The following ARHGAP15 variants were observed in gnomAD, a reference collection of about 807,000 sequenced individuals.
ARHGAP15 encodes Rho GTPase activating protein 15.
Under a neutral mutation model 63.7 loss-of-function variants are expected in ARHGAP15, and 51 were observed. That is an observed-to-expected ratio of 0.80 (90% CI 0.64 to 1.01). ARHGAP15 has a LOEUF of 1.01. ARHGAP15 is among the 50% of genes least tolerant of loss of function. The probability of loss-of-function intolerance (pLI) is 0.00; values close to 1 mark genes in which losing one functional copy is unlikely to be tolerated. For missense variants in ARHGAP15, 560 were observed against 564.6 expected (o/e 0.99, Z 0.08); for synonymous variants, 191 against 193.8 (o/e 0.99, Z 0.12).
At chr2:143,492,970 A>G (rs2105239472) in intron 9 of ARHGAP15, among the ~76,000 whole-genome samples, 1 of 151,846 alleles carries the variant, frequency 6.6e-6, no homozygotes, top group East Asian at 1.9e-4. Context: ...AAGCACGAGA[A>G]TGGCGTGAAC....
intron 12 of ARHGAP15, among the ~76,000 whole-genome samples, chr2:143,700,673 AAT>A (rs70982881): frequency 1.3e-5 from 2 of 151,542 alleles, no homozygotes; most frequent in Non-Finnish European, 2.9e-5. Flanking sequence ...CTCTTGAATG[AAT>A]ATATATATAT....
At chr2:143,420,925 C>G (rs530501341) in intron 6 of ARHGAP15, among the ~76,000 whole-genome samples, 1 of 152,316 alleles carries the variant, frequency 6.6e-6, no homozygotes, top group South Asian at 2.1e-4. Flanking sequence ...ATCACACAGA[C>G]ACATGCTAGT....
intron 10 of ARHGAP15, among the ~76,000 whole-genome samples, chr2:143,554,569 ATCTATCACGTTATTT>A (rs1695708186): frequency 6.6e-6 from 1 of 152,154 alleles, no homozygotes; most frequent in Admixed American, 6.6e-5. Flanking sequence ...ATATTTTTAA[ATCTATCACGTTATTT>A]AAAATTTCAT....
chr2:143,665,982 G>C (rs1174451584), intron 12 of ARHGAP15, among the ~76,000 whole-genome samples: 1 of 148,784 alleles, frequency 6.7e-6, no homozygotes, highest in Non-Finnish European at 1.5e-5. Context: ...TCGTGAAAAT[G>C]GCCATACTGC....
At chr2:143,532,204 G>A (rs1166532970) in intron 10 of ARHGAP15, among the ~76,000 whole-genome samples, 1 of 152,164 alleles carries the variant, frequency 6.6e-6, no homozygotes, top group East Asian at 1.9e-4. Context: ...CCTTATGAGA[G>A]AATTTTCTCA....
chr2:143,519,393 C>G (rs762255400), intron 10 of ARHGAP15, 29 bp downstream of exon 10: 1 of 1,541,534 alleles, frequency 6.5e-7, no homozygotes, highest in South Asian at 1.1e-5. Context: ...AGCAGTTCCC[C>G]CCATTACTGC....
At chr2:143,161,887 G>A (rs78089797) in intron 2 of ARHGAP15, among the ~76,000 whole-genome samples, 12,356 of 151,932 alleles carry the variant, frequency 0.081, 690 homozygotes, top group Non-Finnish European at 0.13. Context: ...AGATGCGGCC[G>A]TCTGTAGGAG....
chr2:143,508,130 C>T (rs1052376687), intron 9 of ARHGAP15, among the ~76,000 whole-genome samples: 1 of 152,122 alleles, frequency 6.6e-6, no homozygotes, highest in Non-Finnish European at 1.5e-5. Flanking sequence ...CCTGCTTTGA[C>T]CCTGAGGCTA....
intron 8 of ARHGAP15, 118 bp downstream of exon 8, chr2:143,437,160 C>A: frequency 8.3e-7 from 1 of 1,210,318 alleles, no homozygotes; most frequent in South Asian, 1.6e-5. Flanking sequence ...AGATTCGTAG[C>A]CATTTCCTGG....
At chr2:143,260,202 G>A (rs975532651) in intron 6 of ARHGAP15, among the ~76,000 whole-genome samples, 10 of 151,964 alleles carry the variant, frequency 6.6e-5, no homozygotes, top group African/African-American at 1.2e-4. Context: ...AGTTCACATC[G>A]CACTTTTTGT....
intron 1 of ARHGAP15, among the ~76,000 whole-genome samples, chr2:143,141,918 C>A (rs1306008438): frequency 1.3e-5 from 2 of 152,152 alleles, no homozygotes; most frequent in East Asian, 1.9e-4. Flanking sequence ...GATATCTATA[C>A]AAGATAAGTG....
chr2:143,182,576 G>C (rs765114475), intron 2 of ARHGAP15, among the ~76,000 whole-genome samples: 7 of 152,154 alleles, frequency 4.6e-5, no homozygotes, highest in Non-Finnish European at 1.0e-4. Context: ...CATGAACTTT[G>C]TAGGGGCTTT....
intron 6 of ARHGAP15, among the ~76,000 whole-genome samples, chr2:143,251,552 G>A (rs1204241486): frequency 1.3e-5 from 2 of 151,960 alleles, no homozygotes; most frequent in Non-Finnish European, 2.9e-5. Context: ...TTTTCCAGAT[G>A]CTATTCAGGT....
At chr2:143,319,242 T>A (rs907208557) in intron 6 of ARHGAP15, among the ~76,000 whole-genome samples, 1 of 151,374 alleles carries the variant, frequency 6.6e-6, no homozygotes, top group Non-Finnish European at 1.5e-5. Flanking sequence ...TTTTTTTTTT[T>A]AATATGGTGT....
chr2:143,343,192 A>T (rs984437133), intron 6 of ARHGAP15, among the ~76,000 whole-genome samples: 3 of 152,070 alleles, frequency 2.0e-5, no homozygotes, highest in Non-Finnish European at 4.4e-5. Context: ...CAGGAAAATC[A>T]TATTTAATCT....
intron 5 of ARHGAP15, among the ~76,000 whole-genome samples, chr2:143,234,544 A>G (rs979330652): frequency 1.3e-5 from 2 of 152,198 alleles, no homozygotes; most frequent in Non-Finnish European, 2.9e-5. Flanking sequence ...AAAACTCTCC[A>G]ATTATGTCTA....
At chr2:143,294,077 C>T (rs1682527070) in intron 6 of ARHGAP15, among the ~76,000 whole-genome samples, 2 of 152,012 alleles carry the variant, frequency 1.3e-5, no homozygotes, top group South Asian at 4.2e-4. Flanking sequence ...TCCTCTAAGC[C>T]CTTCCTTTCC....
At chr2:143,705,473 T>A (rs1205601586) in intron 13 of ARHGAP15, among the ~76,000 whole-genome samples, 1 of 152,188 alleles carries the variant, frequency 6.6e-6, no homozygotes, top group Non-Finnish European at 1.5e-5. Context: ...CTTGTGGTTA[T>A]GAGAATTAAA....
intron 8 of ARHGAP15, among the ~76,000 whole-genome samples, chr2:143,454,710 A>G (rs1033247531): frequency 6.6e-6 from 1 of 152,096 alleles, no homozygotes; most frequent in Non-Finnish European, 1.5e-5. Flanking sequence ...TCTGTGTTGT[A>G]ATATATTCAT....
Sources: allele counts gnomAD v4.1 joint callset (sites outside exome capture counted in the v4.1 genomes callset), GRCh38; gene constraint gnomAD v4.1.1; transcripts MANE v1.5; gene names NCBI Gene and HGNC (gene_info 2026-07-23, HGNC 2026-07-21).